Variants in VWA8 observed in about 807,000 individuals in gnomAD.
VWA8 encodes the protein von Willebrand factor A domain containing 8.
In VWA8, 221 loss-of-function variants were observed where a neutral mutation model predicts 241.5. That is an observed-to-expected ratio of 0.91 (90% CI 0.82 to 1.02). The LOEUF is 1.02. Ranked by LOEUF, VWA8 falls within the 50% of genes least tolerant of loss-of-function variation. The probability of loss-of-function intolerance (pLI) is 0.00; values close to 1 mark genes in which losing one functional copy is unlikely to be tolerated. For missense variants in VWA8, 2,322 were observed against 2,328.7 expected (o/e 1.00, Z 0.06); for synonymous variants, 852 against 827.1 (o/e 1.03, Z -0.52).
At chr13:41,573,145 G>T (rs2044321526) in intron 43 of VWA8, among the ~76,000 whole-genome samples, 1 of 150,630 alleles carries the variant, frequency 6.6e-6, no homozygotes. Context: ...GCCAGGCACG[G>T]TGGCTGACGC....
intron 37 of VWA8, among the ~76,000 whole-genome samples, chr13:41,618,936 A>T (rs2044639217): frequency 6.6e-6 from 1 of 152,206 alleles, no homozygotes; most frequent in East Asian, 1.9e-4. Context: ...CTTTTTGCTT[A>T]GCATTGTCTT....
chr13:41,786,899 T>C (rs547441269), intron 18 of VWA8, among the ~76,000 whole-genome samples: 152 of 151,862 alleles, frequency 1.0e-3, no homozygotes, highest in Admixed American at 2.8e-3. Flanking sequence ...TCCCCGAAAC[T>C]GAAAATTATA....
At chr13:41,637,115 G>T (rs76101485) in intron 37 of VWA8, among the ~76,000 whole-genome samples, 3 of 149,146 alleles carry the variant, frequency 2.0e-5, no homozygotes, top group South Asian at 2.2e-4. Flanking sequence ...CACATGCACA[G>T]GTATGTTTAT....
At position 41,935,763 on chromosome 13, in the gene VWA8, GT is replaced by G. The variant is rs1236352769; in HGVS notation, c.241+14172del. Among the ~76,000 whole-genome samples, 1,166 of 143,258 alleles carry G rather than the reference GT, an allele frequency of 8.1e-3. 17 individuals are homozygous for G. The highest frequency in any genetic ancestry group is 0.023 in the African/African-American group (898 of 39,406). 94.0% of individuals were successfully genotyped at this position (143,258 alleles called of 152,430 possible). ...ATAAAGGTGCTTCAAATTGTTCGAG[GT>G]TTTTTTTTTTTTAACAATAGTGGTA... On this transcript the variant is annotated intron_variant, in intron 2 of 44. Coordinates refer to ENST00000379310, the MANE Select transcript of VWA8 (RefSeq NM_015058.2).
chr13:41,711,742 C>T (rs1218588701), intron 26 of VWA8, among the ~76,000 whole-genome samples: 5 of 151,882 alleles, frequency 3.3e-5, no homozygotes, highest in South Asian at 4.2e-4. Flanking sequence ...GGCGTGGTGG[C>T]GGGTGCCTAT....
At chr13:41,662,167 T>A (rs2044954347) in intron 37 of VWA8, among the ~76,000 whole-genome samples, 2 of 152,182 alleles carry the variant, frequency 1.3e-5, no homozygotes, top group African/African-American at 4.8e-5. Context: ...TGTTTATAGC[T>A]ATAAACAAAA....
At chr13:41,938,889 C>T (rs1877471335) in intron 2 of VWA8, among the ~76,000 whole-genome samples, 1 of 152,074 alleles carries the variant, frequency 6.6e-6, no homozygotes, top group Non-Finnish European at 1.5e-5. Flanking sequence ...CAATGATGTT[C>T]TATATTATCT....
intron 1 of VWA8, among the ~76,000 whole-genome samples, chr13:41,956,684 A>T (rs1405831210): frequency 2.0e-5 from 3 of 152,224 alleles, no homozygotes; most frequent in Admixed American, 2.0e-4. Flanking sequence ...ATCTAATCCT[A>T]TTGTAGCCCA....
chr13:41,567,997 A>T lies in VWA8; in HGVS notation c.*200T>A, dbSNP rs962493957. 3.6e-6 allele frequency: 2 copies of T among 562,854 alleles called. No individual in the cohort carries two copies. Among genetic ancestry groups the T allele is most frequent in the African/African-American group, 1.9e-5 (1 of 52,594 alleles). 34.9% of individuals were successfully genotyped at this position (562,854 alleles called of 1,614,324 possible). ...TAATCACTTCTAAACTCATCAGTGG[A>T]GTATCTTTCCATGTTTAAGTCTCCT... On this transcript the variant is annotated 3_prime_UTR_variant, in exon 45 of 45. Coordinates refer to ENST00000379310, the MANE Select transcript of VWA8 (RefSeq NM_015058.2).
In VWA8 at chr13:41,719,628, T is replaced by C. The variant is rs2045369585; in HGVS notation, c.3079A>G (p.Ile1027Val). ...INTLHKYGIPIGAKPTSVQLA... is the reference protein window; with the variant it reads ...INTLHKYGIPVGAKPTSVQLA... Reference sequence around the variant, plus strand: ...TGCACACTGGTAGGCTTTGCTCCGATAGGTATCCCGTATTTGTGTAAAGTG... The same window carrying C: ...TGCACACTGGTAGGCTTTGCTCCGACAGGTATCCCGTATTTGTGTAAAGTG... Residue 1027 changes from isoleucine to valine, a missense_variant, in exon 26 of 45, where the codon ATC (isoleucine) becomes GTC (valine). Transcript: ENST00000379310. 27 of 1,613,192 alleles carry C rather than the reference T, an allele frequency of 1.7e-5. No individual in the cohort carries two copies. Among genetic ancestry groups the C allele is most frequent in the Non-Finnish European group, 2.3e-5 (27 of 1,179,366 alleles).
At chr13:41,573,290 T>C (rs9566796) in intron 43 of VWA8, among the ~76,000 whole-genome samples, 41,092 of 148,602 alleles carry the variant, frequency 0.28, 6,771 homozygotes, top group African/African-American at 0.45. Flanking sequence ...TGGTGGTGCG[T>C]GCCTGTGGTA....
intron 2 of VWA8, chr13:41,926,330 C>T (rs916996018): frequency 1.7e-6 from 1 of 589,372 alleles, no homozygotes; most frequent in Non-Finnish European, 3.3e-6. Flanking sequence ...AATTTATCAT[C>T]TGCTCTAAGA....
At chr13:41,716,970 C>G (rs2045351610) in intron 26 of VWA8, among the ~76,000 whole-genome samples, 1 of 151,004 alleles carries the variant, frequency 6.6e-6, no homozygotes, top group South Asian at 2.1e-4. Flanking sequence ...ATCAACAGTA[C>G]ACTACTTGGG....
At chr13:41,726,886 TG>T (rs1286920309) in intron 24 of VWA8, among the ~76,000 whole-genome samples, 1 of 151,904 alleles carries the variant, frequency 6.6e-6, no homozygotes, top group Non-Finnish European at 1.5e-5. Flanking sequence ...TCCCTACTAC[TG>T]GGGAGGCTGA....
At chr13:41,748,168 G>A (rs529561050) in intron 21 of VWA8, among the ~76,000 whole-genome samples, 2 of 152,294 alleles carry the variant, frequency 1.3e-5, no homozygotes, top group Non-Finnish European at 2.9e-5. Flanking sequence ...ATTTCAGAAG[G>A]AATGGTACCA....
At chr13:41,785,209 A>AT (rs1476775439) in intron 18 of VWA8, among the ~76,000 whole-genome samples, 1 of 152,120 alleles carries the variant, frequency 6.6e-6, no homozygotes, top group Admixed American at 6.6e-5. Context: ...GCTTCACCTC[A>AT]TTTTTTTCTC....
At chr13:41,780,337 AC>A (rs1334630100) in intron 19 of VWA8, among the ~76,000 whole-genome samples, 2 of 152,176 alleles carry the variant, frequency 1.3e-5, no homozygotes. Flanking sequence ...GAGTGATCAA[AC>A]CACTTTGTTA....
chr13:41,838,987 T>C (rs1379394400), intron 12 of VWA8, among the ~76,000 whole-genome samples: 1 of 152,206 alleles, frequency 6.6e-6, no homozygotes, highest in East Asian at 1.9e-4. Flanking sequence ...AGTAGAATGA[T>C]TTATAATCCT....
chr13:41,800,778 G>A (rs1027729835), intron 17 of VWA8, among the ~76,000 whole-genome samples: 8 of 144,452 alleles, frequency 5.5e-5, no homozygotes, highest in African/African-American at 2.0e-4. Flanking sequence ...GGGTGACAGA[G>A]CGAGACTCCA....
Sources: gnomAD v4.1 joint callset for allele counts (sites outside exome capture counted in the v4.1 genomes callset) on GRCh38, gnomAD v4.1.1 for gene constraint, MANE v1.5 for transcripts, NCBI Gene and HGNC (gene_info 2026-07-23, HGNC 2026-07-21) for gene names.